Variants in CSMD1 observed in about 807,000 individuals in gnomAD.
CSMD1 encodes the protein CUB and sushi domain-containing protein 1.
In CSMD1, 213 loss-of-function variants were observed where a neutral mutation model predicts 417.5. The ratio of observed to expected loss-of-function variants is 0.51; its 90% CI spans 0.46 to 0.57. CSMD1 has a LOEUF of 0.57. Among genes scored for constraint, CSMD1 ranks in the 20% least tolerant of loss-of-function variants. CSMD1 has a pLI of 0.00. For synonymous variants in CSMD1, 2,862 were observed against 1,736.8 expected (o/e 1.65, Z -16.11); for missense variants, 6,923 against 4,529.7 (o/e 1.53, Z -15.17).
chr8:3,291,201 TTG>T (rs1803531502), intron 25 of CSMD1, among the ~76,000 whole-genome samples: 1 of 152,224 alleles, frequency 6.6e-6, no homozygotes, highest in Admixed American at 6.5e-5. Context: ...GATAAACTTT[TTG>T]ATGTATTGCT....
intron 1 of CSMD1, among the ~76,000 whole-genome samples, chr8:4,878,132 A>G (rs1279392576): frequency 6.6e-6 from 1 of 152,074 alleles, no homozygotes. Context: ...GGCTTTCCTC[A>G]GAAGTGGAGT....
At chr8:3,017,555 G>A (rs1808951324) in intron 52 of CSMD1, among the ~76,000 whole-genome samples, 1 of 151,902 alleles carries the variant, frequency 6.6e-6, no homozygotes, top group African/African-American at 2.4e-5. Flanking sequence ...CAGCATTCCT[G>A]TAAGTCCTGC....
At chr8:4,807,492 C>T (rs891164333) in intron 1 of CSMD1, among the ~76,000 whole-genome samples, 1 of 152,146 alleles carries the variant, frequency 6.6e-6, no homozygotes, top group African/African-American at 2.4e-5. Flanking sequence ...GAGCCCAGCC[C>T]ATCCTGAATC....
intron 3 of CSMD1, among the ~76,000 whole-genome samples, chr8:4,213,402 A>C (rs1399122790): frequency 1.3e-5 from 2 of 152,142 alleles, no homozygotes; most frequent in East Asian, 1.9e-4. Context: ...AATCCATCCT[A>C]ATCACTGCTG....
intron 12 of CSMD1, among the ~76,000 whole-genome samples, chr8:3,437,779 G>A (rs1217881300): frequency 6.7e-6 from 1 of 148,314 alleles, no homozygotes; most frequent in Non-Finnish European, 1.5e-5. Flanking sequence ...TCAGAGTCTT[G>A]CTCTGTTGCC....
chr8:4,914,385 G>C (rs1003229325), intron 1 of CSMD1, among the ~76,000 whole-genome samples: 1 of 151,914 alleles, frequency 6.6e-6, no homozygotes, highest in South Asian at 2.1e-4. Context: ...GACCATCCTG[G>C]CTAACACGGT....
Position 3,506,849 on chromosome 8 carries a change from C to T in CSMD1, c.1345-13123G>A, listed in dbSNP as rs1204279312. 4.6e-5 allele frequency among the ~76,000 whole-genome samples: 7 copies of T among 152,046 alleles called. No individual in the cohort carries two copies. The South Asian group carries it at 8.3e-4, about 18-fold the overall frequency. The stretch of plus-strand genomic sequence containing the variant: ...CTTAAATTTTAAAAACACCATAAAA[C>T]TAAAATAAATATAAAAGTGTAATGA... On this transcript the variant is annotated intron_variant, in intron 10 of 69. Coordinates refer to ENST00000635120, the MANE Select transcript of CSMD1 (RefSeq NM_033225.6).
At chr8:4,735,028 A>G (rs933896122) in intron 1 of CSMD1, among the ~76,000 whole-genome samples, 5 of 152,224 alleles carry the variant, frequency 3.3e-5, no homozygotes, top group African/African-American at 1.2e-4. Context: ...AAATCACATC[A>G]AAATTGATGG....
At chr8:3,979,843 T>G (rs762254327) in intron 5 of CSMD1, among the ~76,000 whole-genome samples, 14 of 152,206 alleles carry the variant, frequency 9.2e-5, no homozygotes, top group Non-Finnish European at 1.9e-4. Context: ...GAGAAGTGTC[T>G]AAATTTTCAG....
chr8:4,157,791 C>T (rs1047567970), intron 3 of CSMD1, among the ~76,000 whole-genome samples: 3 of 152,200 alleles, frequency 2.0e-5, no homozygotes, highest in African/African-American at 7.2e-5. Context: ...GCTGGGTGAA[C>T]TTGCCCAGGG....
chr8:4,947,592 C>A (rs145773851), intron 1 of CSMD1, among the ~76,000 whole-genome samples: 63 of 152,196 alleles, frequency 4.1e-4, no homozygotes, highest in African/African-American at 1.5e-3. Context: ...TGAAGATTTT[C>A]TTCCCCTACA....
chr8:4,495,930 T>C (rs535829617), intron 2 of CSMD1, among the ~76,000 whole-genome samples: 85 of 152,334 alleles, frequency 5.6e-4, no homozygotes, highest in African/African-American at 2.0e-3. Flanking sequence ...AAATTCTATA[T>C]GGCAAATGAC....
At chr8:3,334,025 A>T (rs779207212) in intron 23 of CSMD1, among the ~76,000 whole-genome samples, 17 of 152,222 alleles carry the variant, frequency 1.1e-4, no homozygotes, top group Non-Finnish European at 1.9e-4. Flanking sequence ...ACATGGACCC[A>T]TCGTGATGCC....
intron 5 of CSMD1, among the ~76,000 whole-genome samples, chr8:3,926,359 G>GT (rs983568811): frequency 6.6e-6 from 1 of 151,710 alleles, no homozygotes; most frequent in African/African-American, 2.4e-5. Flanking sequence ...CTTATTTTAT[G>GT]TTTTTTCACC....
chr8:4,511,017 G>A (rs374173256), intron 2 of CSMD1, among the ~76,000 whole-genome samples: 1 of 151,870 alleles, frequency 6.6e-6, no homozygotes, highest in Non-Finnish European at 1.5e-5. Flanking sequence ...TTTAACCTAT[G>A]TGGCTGCCTT....
At chr8:3,694,056 G>A (rs1054393496) in intron 7 of CSMD1, among the ~76,000 whole-genome samples, 1 of 150,884 alleles carries the variant, frequency 6.6e-6, no homozygotes, top group Non-Finnish European at 1.5e-5. Context: ...TGTTGTGTTA[G>A]TGTGTGTGTG....
chr8:4,311,499 G>C (rs181893352), intron 3 of CSMD1, among the ~76,000 whole-genome samples: 3 of 152,270 alleles, frequency 2.0e-5, no homozygotes, highest in Admixed American at 1.3e-4. Context: ...AAGTTGGGCA[G>C]ATCACCTGAG....
intron 3 of CSMD1, among the ~76,000 whole-genome samples, chr8:4,380,369 C>G (rs1465509776): frequency 1.3e-5 from 2 of 152,108 alleles, no homozygotes; most frequent in East Asian, 3.9e-4. Context: ...GTTTTCCTCC[C>G]AAAAATCTAT....
chr8:4,508,269 C>T (rs1802637571), intron 2 of CSMD1, among the ~76,000 whole-genome samples: 1 of 151,658 alleles, frequency 6.6e-6, no homozygotes, highest in Non-Finnish European at 1.5e-5. Flanking sequence ...GTGTGTCTCA[C>T]TTTGCTAGAT....
Sources: allele counts gnomAD v4.1 joint callset (sites outside exome capture counted in the v4.1 genomes callset), GRCh38; gene constraint gnomAD v4.1.1; transcripts MANE v1.5; gene names NCBI Gene and HGNC (gene_info 2026-07-23, HGNC 2026-07-21).